The following ANXA8 variants were observed in gnomAD, a reference collection of about 807,000 sequenced individuals.
The protein encoded by ANXA8 is annexin A8.
Under a neutral mutation model 26.8 loss-of-function variants are expected in ANXA8, and 9 were observed. The ratio of observed to expected loss-of-function variants is 0.34; its 90% CI spans 0.20 to 0.59. The LOEUF is 0.59. Among genes scored for constraint, ANXA8 ranks in the 20% least tolerant of loss-of-function variants. ANXA8 has a pLI of 0.84. For synonymous variants in ANXA8, 39 were observed against 94.8 expected, an observed-to-expected ratio of 0.41 and a Z score of 3.42; for missense variants, 83 against 238.5, an observed-to-expected ratio of 0.35 and a Z score of 4.29.
upstream of ANXA8, among the ~76,000 whole-genome samples, chr10:47,486,865 T>C (rs1362975976): frequency 6.9e-6 from 1 of 145,564 alleles, no homozygotes; most frequent in Admixed American, 6.9e-5. Flanking sequence ...CCAAGCTACT[T>C]GGGAGGCTGA....
chr10:47,972,594 T>C, the ANXA8 span, among the ~76,000 whole-genome samples: 1 of 107,962 alleles, frequency 9.3e-6, no homozygotes, highest in South Asian at 3.5e-4. Context: ...AGGAAACAGG[T>C]CCAGAGAGGG....
At chr10:47,486,439 T>C (rs1327439597), upstream of ANXA8, among the ~76,000 whole-genome samples, 8 of 139,620 alleles carry the variant, frequency 5.7e-5, 2 homozygotes, top group African/African-American at 1.0e-4. Flanking sequence ...AGACACTAAC[T>C]ATTCTTCCAG....
chr10:47,676,529 G>A, the ANXA8 span, among the ~76,000 whole-genome samples: 315 of 151,912 alleles, frequency 2.1e-3, 1 homozygote, highest in Admixed American at 7.1e-3. Context: ...CATGTTTTAG[G>A]ACCAGAAAAA....
the ANXA8 span, among the ~76,000 whole-genome samples, chr10:47,694,722 A>G: frequency 6.6e-6 from 1 of 152,008 alleles, no homozygotes. Context: ...CCCGGCCCAT[A>G]CTGAAAAATT....
chr10:47,757,968 C>G, the ANXA8 span: 1 of 1,584,800 alleles, frequency 6.3e-7, no homozygotes, highest in African/African-American at 1.4e-5. Context: ...CGCCGGCAGT[C>G]CCCCACTAGG....
chr10:47,746,846 G>A, the ANXA8 span, among the ~76,000 whole-genome samples: 5 of 96,170 alleles, frequency 5.2e-5, no homozygotes, highest in African/African-American at 7.7e-5. Context: ...CTGTTCCCTC[G>A]TTGGCTTCAC....
At chr10:47,656,413 A>T in the ANXA8 span, among the ~76,000 whole-genome samples, 23 of 147,988 alleles carry the variant, frequency 1.6e-4, no homozygotes, top group South Asian at 4.2e-3. Context: ...ACCCAAAAAA[A>T]ACAAAAAACA....
chr10:47,558,839 G>C, the ANXA8 span, among the ~76,000 whole-genome samples: 3 of 151,806 alleles, frequency 2.0e-5, no homozygotes, highest in Admixed American at 2.0e-4. Flanking sequence ...AGGAGGAAAG[G>C]CTTGGTTTTA....
chr10:47,560,892 C>A, the ANXA8 span, among the ~76,000 whole-genome samples: 2 of 151,728 alleles, frequency 1.3e-5, no homozygotes, highest in African/African-American at 4.9e-5. Flanking sequence ...CTCACTGCAG[C>A]CTGCAACTCC....
At chr10:47,957,027 G>GT in the ANXA8 span, among the ~76,000 whole-genome samples, 3 of 150,446 alleles carry the variant, frequency 2.0e-5, no homozygotes, top group Non-Finnish European at 4.4e-5. Context: ...CCCCGGAGAG[G>GT]CTCTTTGGGC....
chr10:47,939,576 G>A, the ANXA8 span, among the ~76,000 whole-genome samples: 23 of 144,910 alleles, frequency 1.6e-4, no homozygotes, highest in Non-Finnish European at 3.0e-5. Flanking sequence ...TCCAGTCTCC[G>A]TCTACCTGCA....
chr10:47,564,744 C>T, the ANXA8 span: 1 of 717,708 alleles, frequency 1.4e-6, no homozygotes. Context: ...GTGGGCCTGA[C>T]CCTCATCCTG....
At chr10:47,626,687 T>G in the ANXA8 span, among the ~76,000 whole-genome samples, 2 of 150,324 alleles carry the variant, frequency 1.3e-5, 1 homozygote, top group African/African-American at 5.0e-5. Context: ...TTCCCCAACT[T>G]AGCTTCAAAC....
chr10:47,671,707 GGCA>G, the ANXA8 span, among the ~76,000 whole-genome samples: 371 of 151,814 alleles, frequency 2.4e-3, no homozygotes, highest in African/African-American at 8.6e-3. Flanking sequence ...TCACATAGTT[GGCA>G]AATGATGAAG....
the ANXA8 span, among the ~76,000 whole-genome samples, chr10:47,949,918 A>G: frequency 6.6e-6 from 1 of 150,688 alleles, no homozygotes; most frequent in Non-Finnish European, 1.5e-5. Flanking sequence ...TGATAATTAT[A>G]TAAAATGAAA....
the ANXA8 span, among the ~76,000 whole-genome samples, chr10:47,630,397 T>C: frequency 6.7e-6 from 1 of 149,776 alleles, no homozygotes; most frequent in Admixed American, 6.6e-5. Context: ...TGCAAATAAA[T>C]AAGAACCAAC....
the ANXA8 span, among the ~76,000 whole-genome samples, chr10:47,972,671 C>T: frequency 2.1e-5 from 2 of 95,840 alleles, no homozygotes; most frequent in East Asian, 4.6e-4. Context: ...CCTCGGTGCT[C>T]TTTCCCCTGC....
At chr10:47,900,638 C>T in the ANXA8 span, among the ~76,000 whole-genome samples, 1 of 137,408 alleles carries the variant, frequency 7.3e-6, no homozygotes, top group Non-Finnish European at 1.6e-5. Flanking sequence ...CTAATAAAGA[C>T]AACACAATAA....
At chr10:47,932,654 C>T in the ANXA8 span, among the ~76,000 whole-genome samples, 353 of 115,602 alleles carry the variant, frequency 3.1e-3, 21 homozygotes, top group African/African-American at 9.7e-3. Flanking sequence ...TTCTTCATGA[C>T]GGGATTAGGC....
Sources: allele counts gnomAD v4.1 joint callset (sites outside exome capture counted in the v4.1 genomes callset), GRCh38; gene constraint gnomAD v4.1.1; transcripts MANE v1.5; gene names NCBI Gene and HGNC (gene_info 2026-07-23, HGNC 2026-07-21).